Variants in GRIA4 observed in about 807,000 individuals in gnomAD.
The protein encoded by GRIA4 is glutamate receptor 4.
In GRIA4, 34 loss-of-function variants were observed where a neutral mutation model predicts 104.0. The observed-to-expected ratio is 0.33, with a 90% confidence interval of 0.25 to 0.44. The LOEUF (loss-of-function observed/expected upper bound fraction) is 0.44. GRIA4 is among the 20% of genes least tolerant of loss of function. The probability of loss-of-function intolerance (pLI) is 1.00; values close to 1 mark genes in which losing one functional copy is unlikely to be tolerated. For missense variants in GRIA4, 750 were observed against 1,096.5 expected, an observed-to-expected ratio of 0.68 and a Z score of 4.46; for synonymous variants, 386 against 381.9, an observed-to-expected ratio of 1.01 and a Z score of -0.13.
intron 3 of GRIA4, among the ~76,000 whole-genome samples, chr11:105,712,831 A>G (rs1311645888): frequency 6.6e-6 from 1 of 152,068 alleles, no homozygotes; most frequent in Non-Finnish European, 1.5e-5. Context: ...TGAAAGCTCA[A>G]AAGTATGAGC....
chr11:105,756,143 T>A (rs950873004), intron 4 of GRIA4, among the ~76,000 whole-genome samples: 5 of 152,162 alleles, frequency 3.3e-5, no homozygotes, highest in African/African-American at 1.2e-4. Context: ...CCCTAATTCA[T>A]AAGTAATATA....
intron 4 of GRIA4, among the ~76,000 whole-genome samples, chr11:105,849,851 G>T (rs1161052581): frequency 2.0e-5 from 3 of 152,112 alleles, no homozygotes; most frequent in Non-Finnish European, 4.4e-5. Flanking sequence ...ACTGGAATTT[G>T]TTGTTCTCGG....
intron 5 of GRIA4, among the ~76,000 whole-genome samples, chr11:105,884,705 C>A (rs1236300308): frequency 6.6e-6 from 1 of 152,136 alleles, no homozygotes; most frequent in African/African-American, 2.4e-5. Context: ...GGAATTTTGT[C>A]CCTTTCAGTT....
chr11:105,908,742 T>C (rs976631295), intron 9 of GRIA4, among the ~76,000 whole-genome samples: 6 of 152,226 alleles, frequency 3.9e-5, no homozygotes, highest in Admixed American at 1.3e-4. Context: ...GTCTTGCCAA[T>C]ATCTAGGTAC....
At chr11:105,672,223 G>A (rs964970385) in intron 3 of GRIA4, among the ~76,000 whole-genome samples, 2 of 152,102 alleles carry the variant, frequency 1.3e-5, no homozygotes, top group Admixed American at 6.6e-5. Context: ...ATTAAAATGA[G>A]TTGAATAATC....
intron 14 of GRIA4, among the ~76,000 whole-genome samples, chr11:105,958,695 G>T (rs1332402315): frequency 6.6e-6 from 1 of 152,084 alleles, no homozygotes; most frequent in Non-Finnish European, 1.5e-5. Flanking sequence ...AATGGCACCA[G>T]CTCCTCTTTG....
chr11:105,774,868 A>G (rs1941382210), intron 4 of GRIA4, among the ~76,000 whole-genome samples: 1 of 152,184 alleles, frequency 6.6e-6, no homozygotes, highest in Non-Finnish European at 1.5e-5. Context: ...ATCAATATAT[A>G]TTAGTTTTCT....
chr11:105,632,169 A>T (rs1442089583), intron 3 of GRIA4, among the ~76,000 whole-genome samples: 1 of 152,204 alleles, frequency 6.6e-6, no homozygotes. Context: ...ATGCAGTATC[A>T]ATTTAGAGAA....
Position 105,645,190 on chromosome 11 carries a change from T to C in GRIA4, c.247+32756T>C, listed in dbSNP as rs201389210. Among the ~76,000 whole-genome samples, 322 of 152,308 alleles carry C rather than the reference T, an allele frequency of 2.1e-3. 1 individual carries two copies. The highest frequency in any genetic ancestry group is 7.0e-3 in the African/African-American group (291 of 41,570). The stretch of plus-strand genomic sequence containing the variant: ...GGGGAAAGAAGTGAAGAGATAAACC[T>C]TGTAGCTGCAAAAAGACACTTTACA... On this transcript the variant is annotated intron_variant, in intron 3 of 16. Coordinates refer to ENST00000282499, the MANE Select transcript of GRIA4 (RefSeq NM_000829.4).
intron 3 of GRIA4, among the ~76,000 whole-genome samples, chr11:105,731,604 T>C (rs1388729943): frequency 6.6e-6 from 1 of 152,102 alleles, no homozygotes; most frequent in East Asian, 1.9e-4. Flanking sequence ...CTATTCACAA[T>C]AGCAAAGACT....
chr11:105,900,962 A>C (rs35203506), intron 7 of GRIA4, among the ~76,000 whole-genome samples: 12,484 of 151,994 alleles, frequency 0.082, 738 homozygotes, highest in Admixed American at 0.18. Context: ...AAATATATAT[A>C]TATATATATT....
chr11:105,645,427 C>G (rs988972230), intron 3 of GRIA4, among the ~76,000 whole-genome samples: 2 of 152,140 alleles, frequency 1.3e-5, no homozygotes, highest in African/African-American at 2.4e-5. Flanking sequence ...GCTGAATAAC[C>G]AAATAAAGCA....
intron 4 of GRIA4, among the ~76,000 whole-genome samples, chr11:105,806,754 A>G (rs1203035114): frequency 1.3e-5 from 2 of 151,854 alleles, no homozygotes; most frequent in Non-Finnish European, 2.9e-5. Context: ...AAGTGCCCCA[A>G]AAAAGTCCGA....
chr11:105,844,794 G>T (rs576081020), intron 4 of GRIA4, among the ~76,000 whole-genome samples: 1 of 152,176 alleles, frequency 6.6e-6, no homozygotes, highest in East Asian at 1.9e-4. Context: ...TACCACTACT[G>T]CTACTACTAT....
intron 5 of GRIA4, among the ~76,000 whole-genome samples, chr11:105,877,793 T>C (rs1307523264): frequency 6.6e-6 from 1 of 152,232 alleles, no homozygotes; most frequent in African/African-American, 2.4e-5. Context: ...CTGGTTATTC[T>C]AGTTAGCAAT....
intron 3 of GRIA4, among the ~76,000 whole-genome samples, chr11:105,653,794 C>T (rs993991778): frequency 4.6e-5 from 7 of 151,508 alleles, no homozygotes; most frequent in Admixed American, 4.6e-4. Context: ...AGGAAAGCAT[C>T]CTGGGGAAAA....
chr11:105,705,376 T>C (rs1043361048), intron 3 of GRIA4, among the ~76,000 whole-genome samples: 2 of 152,160 alleles, frequency 1.3e-5, no homozygotes, highest in Non-Finnish European at 2.9e-5. Flanking sequence ...TGAAATATTT[T>C]GTACTTCTCA....
intron 3 of GRIA4, among the ~76,000 whole-genome samples, chr11:105,705,772 G>A (rs889305669): frequency 6.6e-6 from 1 of 152,114 alleles, no homozygotes; most frequent in Non-Finnish European, 1.5e-5. Flanking sequence ...GTGGGACTAC[G>A]GGGAAACAGG....
At chr11:105,826,101 G>T (rs527401279) in intron 4 of GRIA4, among the ~76,000 whole-genome samples, 2 of 152,090 alleles carry the variant, frequency 1.3e-5, no homozygotes, top group East Asian at 3.9e-4. Context: ...ATAACCTTCA[G>T]TTCCCCTTGA....
Sources: gnomAD v4.1 joint callset for allele counts (sites outside exome capture counted in the v4.1 genomes callset) on GRCh38, gnomAD v4.1.1 for gene constraint, MANE v1.5 for transcripts, NCBI Gene and HGNC (gene_info 2026-07-23, HGNC 2026-07-21) for gene names.